SPHKAP: variants seen among roughly 807,000 people sequenced by gnomAD.
The protein encoded by SPHKAP is A-kinase anchor protein SPHKAP.
Under a neutral mutation model 137.5 loss-of-function variants are expected in SPHKAP, and 67 were observed. The observed-to-expected ratio is 0.49, with a 90% CI of 0.40 to 0.60. The LOEUF (loss-of-function observed/expected upper bound fraction) is 0.60. Among genes scored for constraint, SPHKAP ranks in the 20% least tolerant of loss-of-function variants. SPHKAP has a pLI of 0.00. For missense variants in SPHKAP, 2,097 were observed against 2,069.3 expected (o/e 1.01, Z -0.26); for synonymous variants, 813 against 785.3 (o/e 1.04, Z -0.59).
intron 7 of SPHKAP, among the ~76,000 whole-genome samples, chr2:228,005,950 T>A (rs1190245808): frequency 2.0e-5 from 3 of 152,232 alleles, no homozygotes; most frequent in Non-Finnish European, 2.9e-5. Flanking sequence ...TAACCCGACC[T>A]TTCTCTTTGG....
chr2:228,075,781 G>A (rs903156955), intron 3 of SPHKAP, among the ~76,000 whole-genome samples: 8 of 152,140 alleles, frequency 5.3e-5, no homozygotes, highest in African/African-American at 1.4e-4. Flanking sequence ...GCTAATAGAT[G>A]AAGGAAAGAA....
At chr2:228,021,205 C>T (rs1433340687) in intron 6 of SPHKAP, among the ~76,000 whole-genome samples, 1 of 152,140 alleles carries the variant, frequency 6.6e-6, no homozygotes, top group Non-Finnish European at 1.5e-5. Flanking sequence ...TTATCTCTTT[C>T]TGTCTTCACA....
At chr2:228,028,561 G>T (rs756585242) in intron 3 of SPHKAP, among the ~76,000 whole-genome samples, 12 of 152,092 alleles carry the variant, frequency 7.9e-5, no homozygotes, top group Admixed American at 1.3e-4. Flanking sequence ...TTATAATACC[G>T]TATTTTTACT....
At position 228,016,713 on chromosome 2, in the gene SPHKAP, G is replaced by A; in HGVS notation, c.4141C>T (p.Gln1381Ter). The A allele has an allele frequency of 3.1e-6, 5 of 1,614,112 alleles. No homozygotes were observed. Among genetic ancestry groups the A allele is most frequent in the Non-Finnish European group, 4.2e-6 (5 of 1,180,026 alleles). Residue 1381 changes from glutamine to a stop codon, truncating the protein, a stop_gained, in exon 7 of 12, where the codon CAG becomes TAG. Transcript: ENST00000392056. LOFTEE classifies it high-confidence loss of function. ...TTGCTCAAAGATGACACTGGGGGCT[G>A]TTTACATTCGGTAACAGAGTCTTTC... Reference protein sequence around the residue: ...PRKDSVTECKQPPVSSLSKTA... With the variant: ...PRKDSVTECK
chr2:228,092,884 C>T (rs1048207153), intron 3 of SPHKAP, among the ~76,000 whole-genome samples: 2 of 151,838 alleles, frequency 1.3e-5, no homozygotes, highest in Non-Finnish European at 2.9e-5. Context: ...GAGAACAATA[C>T]AGTATTCTTT....
At chr2:228,028,691 T>C (rs570115198) in intron 3 of SPHKAP, among the ~76,000 whole-genome samples, 2 of 152,352 alleles carry the variant, frequency 1.3e-5, no homozygotes, top group Admixed American at 6.5e-5. Context: ...CTAGGAGTAA[T>C]AGGTTATACC....
intron 3 of SPHKAP, among the ~76,000 whole-genome samples, chr2:228,028,228 A>G (rs1009318562): frequency 6.6e-6 from 1 of 152,162 alleles, no homozygotes; most frequent in African/African-American, 2.4e-5. Context: ...TAATTGCAAT[A>G]AATACTTTTC....
intron 1 of SPHKAP, among the ~76,000 whole-genome samples, chr2:228,135,562 T>A (rs1054101123): frequency 2.0e-5 from 3 of 152,206 alleles, no homozygotes; most frequent in African/African-American, 7.2e-5. Context: ...TACAGATATC[T>A]TGGTATGAAA....
At position 228,016,412 on chromosome 2, in the gene SPHKAP, A is replaced by T. The variant is rs1209303890; in HGVS notation, c.4442T>A (p.Ile1481Asn). Reference sequence around the variant, plus strand: ...TCTGAGACGATTCACTCACCTATGGATTTGACAAGCGCTCACGGCTGTGTC... The same window carrying T: ...TCTGAGACGATTCACTCACCTATGGTTTTGACAAGCGCTCACGGCTGTGTC... ...GGDTAVSACQ[I>N]HSDSLDTRDV... Residue 1481 changes from isoleucine (I) to asparagine (N), a missense_variant, in exon 7 of 12, where the codon ATC becomes AAC. By Grantham distance (149) the Ile-to-Asn change is moderately radical (BLOSUM62 -3). Transcript: ENST00000392056. The T allele has an allele frequency of 1.3e-6, 2 of 1,588,598 alleles. No individual in the cohort carries two copies. Among genetic ancestry groups the T allele is most frequent in the Admixed American group, 3.6e-5 (2 of 54,908 alleles).
At position 228,037,674 on chromosome 2, in the gene SPHKAP, G is replaced by A. The variant is rs148365579; in HGVS notation, c.247-10131C>T. ...GTCACTCCAATGACTCTCAGTTTGC[G>A]GGGAGATAAGAGGTAGTAGGAGTCG... On this transcript the variant is annotated intron_variant, in intron 3 of 11. Transcript: ENST00000392056. 9.2e-3 allele frequency among the ~76,000 whole-genome samples: 1,397 copies of A among 152,236 alleles called. 8 individuals carry two copies. Among genetic ancestry groups the A allele is most frequent in the Non-Finnish European group, 0.015 (1,031 of 68,022 alleles).
In SPHKAP at chr2:228,120,999, G is replaced by A. The variant is rs143152539; in HGVS notation, c.138+10981C>T. 3.1e-4 allele frequency among the ~76,000 whole-genome samples: 47 copies of A among 152,324 alleles called. 1 individual carries two copies. The highest frequency in any genetic ancestry group is 1.0e-3 in the African/African-American group (43 of 41,584). On this transcript the variant is annotated intron_variant, in intron 2 of 11. Coordinates refer to ENST00000392056, the MANE Select transcript of SPHKAP (RefSeq NM_001142644.2). ...TATTTATACTATCAGTGAAGGGAAT[G>A]TGATTTTAACGCTAAGTGAAGGAAA...
At chr2:228,040,434 C>T (rs904255462) in intron 3 of SPHKAP, among the ~76,000 whole-genome samples, 5 of 152,164 alleles carry the variant, frequency 3.3e-5, no homozygotes, top group African/African-American at 1.2e-4. Flanking sequence ...TTATGCCACC[C>T]ATGCTGTGGA....
intron 3 of SPHKAP, among the ~76,000 whole-genome samples, chr2:228,094,897 G>GT (rs1285184779): frequency 3.3e-5 from 5 of 152,170 alleles, no homozygotes; most frequent in Middle Eastern, 3.4e-3. Flanking sequence ...GGGTCTTTTT[G>GT]TTTTTTTCTG....
rs755601463 is a variant in SPHKAP, at chr2:228,020,006, G to A, written c.848C>T (p.Thr283Ile). Residue 283 changes from threonine to isoleucine, a missense_variant, in exon 7 of 12, where the codon ACA (threonine) becomes ATA (isoleucine). Physicochemically the swap from Thr to Ile is moderately conservative, Grantham distance 89 (BLOSUM62 -1). Coordinates refer to ENST00000392056, the MANE Select transcript of SPHKAP (RefSeq NM_001142644.2). ...INKYPTPLIKTERSPENLTKN... is the reference protein window; with the variant it reads ...INKYPTPLIKIERSPENLTKN... ...TGTTAGGTTTTCTGGAGATCGTTCT[G>A]TTTTAATCAATGGTGTGGGATATTT... 1.2e-6 allele frequency: 2 copies of A among 1,614,196 alleles called. No individual in the cohort carries two copies. Among genetic ancestry groups the A allele is most frequent in the South Asian group, 2.2e-5 (2 of 91,082 alleles).
rs182143774 is a variant in SPHKAP, at chr2:228,086,114, T to A, written c.246+22718A>T. Reference sequence around the variant, plus strand: ...AAAGTAGTGAGTTTCAGGTCTGGAGTGACAGTATGAAGAGCTCTTAGGACA... The same window carrying A: ...AAAGTAGTGAGTTTCAGGTCTGGAGAGACAGTATGAAGAGCTCTTAGGACA... On this transcript the variant is annotated intron_variant, in intron 3 of 11. Transcript: ENST00000392056. Among the ~76,000 whole-genome samples, 18 of 151,538 alleles carry A rather than the reference T, an allele frequency of 1.2e-4. No homozygotes were observed. In the East Asian group the frequency reaches 3.5e-3, roughly 29 times the overall value.
rs1400941467 is a variant in SPHKAP, at chr2:228,019,969, G to A, written c.885C>T (p.Ala295=). Residue 295 remains alanine (A), a synonymous_variant, in exon 7 of 12, where the codon GCC becomes GCT. Coordinates refer to ENST00000392056, the MANE Select transcript of SPHKAP (RefSeq NM_001142644.2). ...TGGCTGAGGGATCTAGACTCTGCAA[G>A]GCTGTGTTCTTTGTTAGGTTTTCTG... ...RSPENLTKNT[A]LQSLDPSAKP... 6.2e-7 allele frequency: 1 copy of A among 1,614,202 alleles called. No homozygotes were observed. The highest frequency in any genetic ancestry group is 8.5e-7 in the Non-Finnish European group (1 of 1,180,040).
At chr2:228,089,541 A>C (rs1697652769) in intron 3 of SPHKAP, among the ~76,000 whole-genome samples, 1 of 152,234 alleles carries the variant, frequency 6.6e-6, no homozygotes, top group African/African-American at 2.4e-5. Context: ...GATTAGCATG[A>C]CAAAAAGGAA....
chr2:228,166,227 A>G (rs1700419116), intron 1 of SPHKAP, among the ~76,000 whole-genome samples: 1 of 152,216 alleles, frequency 6.6e-6, no homozygotes, highest in Non-Finnish European at 1.5e-5. Flanking sequence ...TGAAGGGAAA[A>G]TTATGATCTA....
chr2:228,011,792 T>C (rs996669620), intron 7 of SPHKAP, among the ~76,000 whole-genome samples: 2 of 152,196 alleles, frequency 1.3e-5, no homozygotes, highest in Non-Finnish European at 2.9e-5. Context: ...GATTAAGTCA[T>C]GCTAATTAAA....
Sources: gnomAD v4.1 joint callset for allele counts (sites outside exome capture counted in the v4.1 genomes callset) on GRCh38, gnomAD v4.1.1 for gene constraint, MANE v1.5 for transcripts, NCBI Gene and HGNC (gene_info 2026-07-23, HGNC 2026-07-21) for gene names.